The following ATF3 variants were observed in gnomAD, a reference collection of about 807,000 sequenced individuals.
ATF3 encodes cyclic AMP-dependent transcription factor ATF-3.
In ATF3, 10 loss-of-function variants were observed where a neutral mutation model predicts 18.4. The ratio of observed to expected loss-of-function variants is 0.54; its 90% CI spans 0.34 to 0.92. ATF3 has a LOEUF of 0.92. Among genes scored for constraint, ATF3 ranks in the 40% least tolerant of loss-of-function variants. ATF3 has a pLI of 0.02. For synonymous variants in ATF3, 78 were observed against 87.9 expected, an observed-to-expected ratio of 0.89 and a Z score of 0.63; for missense variants, 183 against 222.3, an observed-to-expected ratio of 0.82 and a Z score of 1.12.
At chr1:212,590,655 T>C (rs991146918) in intron 1 of ATF3, among the ~76,000 whole-genome samples, 5 of 152,204 alleles carry the variant, frequency 3.3e-5, no homozygotes, top group Non-Finnish European at 7.3e-5. Context: ...AAAAATTGAA[T>C]TCAGTGTGAA....
chr1:212,615,220 G>C lies in ATF3; in HGVS notation c.199G>C (p.Val67Leu). 1 of 1,614,198 alleles carries C rather than the reference G, an allele frequency of 6.2e-7. No homozygotes were observed. The change falls in exon 2 of 4, where the codon GTC (valine) becomes CTC (leucine). Residue 67 changes from valine (V) to leucine (L), a missense_variant. Val to Leu is a conservative substitution (Grantham distance 32). Transcript: ENST00000341491. ...GTCCTCTGCGCTGGAATCAGTCACT[G>C]TCAGCGACAGACCCCTCGGGGTGTC... is the stretch of plus-strand genomic sequence containing the variant. ...RMSSALESVT[V>L]SDRPLGVSIT...
chr1:212,593,327 T>C (rs12092971), intron 1 of ATF3, among the ~76,000 whole-genome samples: 39,454 of 147,780 alleles, frequency 0.27, 5,912 homozygotes, highest in African/African-American at 0.41. Flanking sequence ...CATTAGGAGA[T>C]ATACCTAATG....
chr1:212,602,832 C>T (rs909706465), intron 1 of ATF3, among the ~76,000 whole-genome samples: 9 of 152,160 alleles, frequency 5.9e-5, no homozygotes, highest in East Asian at 5.8e-4. Context: ...TTTTGGCAGC[C>T]GATGCTAGAC....
chr1:212,589,340 G>C (rs1214627340), intron 1 of ATF3, among the ~76,000 whole-genome samples: 1 of 152,180 alleles, frequency 6.6e-6, no homozygotes, highest in Non-Finnish European at 1.5e-5. Context: ...CAGATAATGG[G>C]AGCAAGGGAG....
chr1:212,569,316 A>G (rs1230037334), intron 1 of ATF3, among the ~76,000 whole-genome samples: 1 of 152,244 alleles, frequency 6.6e-6, no homozygotes, highest in East Asian at 1.9e-4. Flanking sequence ...AGGTAGAGAG[A>G]CTTTTCATCA....
At chr1:212,570,173 A>T (rs970477092) in intron 1 of ATF3, among the ~76,000 whole-genome samples, 4 of 152,184 alleles carry the variant, frequency 2.6e-5, no homozygotes, top group Non-Finnish European at 4.4e-5. Flanking sequence ...CTGGCTTGAC[A>T]TTTACATTTG....
chr1:212,589,535 T>A (rs777984250), intron 1 of ATF3, among the ~76,000 whole-genome samples: 3 of 151,894 alleles, frequency 2.0e-5, no homozygotes, highest in Admixed American at 6.6e-5. Context: ...TTCAATTTTA[T>A]AGAGGTGAGT....
chr1:212,583,987 C>T (rs977605837), intron 1 of ATF3, among the ~76,000 whole-genome samples: 5 of 152,254 alleles, frequency 3.3e-5, no homozygotes, highest in African/African-American at 1.2e-4. Flanking sequence ...CGTATCTCTG[C>T]CCTCATGGTA....
At chr1:212,593,139 A>T (rs111932277) in intron 1 of ATF3, among the ~76,000 whole-genome samples, 5,085 of 152,118 alleles carry the variant, frequency 0.033, 320 homozygotes, top group African/African-American at 0.12. Context: ...TGTCCTTTGT[A>T]GGGACATGGA....
upstream of ATF3, among the ~76,000 whole-genome samples, chr1:212,605,520 C>G (rs780033585): frequency 6.6e-6 from 1 of 152,184 alleles, no homozygotes; most frequent in Non-Finnish European, 1.5e-5. Flanking sequence ...ATTCTGGGCA[C>G]GAATACAGTC....
chr1:212,572,791 G>A (rs925312274), intron 1 of ATF3, among the ~76,000 whole-genome samples: 11 of 152,102 alleles, frequency 7.2e-5, no homozygotes, highest in African/African-American at 2.7e-4. Flanking sequence ...TTCCATAGAA[G>A]TTTCCAATGT....
In ATF3 at chr1:212,619,429, G is replaced by A. The variant is rs1655275246; in HGVS notation, c.420G>A (p.Gln140=). Residue 140 remains glutamine, a synonymous_variant, in exon 4 of 4, where the codon CAG becomes CAA. Coordinates refer to ENST00000341491, the MANE Select transcript of ATF3 (RefSeq NM_001674.4). The surrounding 1 kb of genome is among the most constrained non-coding windows in gnomAD (Gnocchi z 4.4). ...TTGAGGAGCTCAAGAACGAGAAGCA[G>A]CATTTGATATACATGCTCAACCTTC... ...AQIEELKNEK[Q]HLIYMLNLHR... is the part of the protein sequence containing the mutation. 4 of 1,614,048 alleles carry A rather than the reference G, an allele frequency of 2.5e-6. No homozygotes were observed. The highest frequency in any genetic ancestry group is 2.5e-6 in the Non-Finnish European group (3 of 1,180,044).
At position 212,619,550 on chromosome 1, in the gene ATF3, A is replaced by G. The variant is rs1445964504; in HGVS notation, c.541A>G (p.Ser181Gly). 1 of 1,614,148 alleles carries G rather than the reference A, an allele frequency of 6.2e-7. No individual in the cohort carries two copies. Among genetic ancestry groups the G allele is most frequent in the Non-Finnish European group, 8.5e-7 (1 of 1,179,992 alleles). ...ACAGATAAAAGAAGGAACATTGCAGAGCTAAGCAGTCGTGGTATGGGGGCG... is the reference window on the plus strand; with the variant it reads ...ACAGATAAAAGAAGGAACATTGCAGGGCTAAGCAGTCGTGGTATGGGGGCG... ...IQQIKEGTLQ[S>G] The change falls in exon 4 of 4, where the codon AGC becomes GGC. Residue 181 changes from serine (S) to glycine (G), a missense_variant. Physicochemically the swap from Ser to Gly is moderately conservative, Grantham distance 56. Coordinates refer to ENST00000341491, the MANE Select transcript of ATF3 (RefSeq NM_001674.4). The surrounding 1 kb of genome is among the most constrained non-coding windows in gnomAD (Gnocchi z 4.4).
At chr1:212,567,005 G>A (rs61830686) in intron 1 of ATF3, among the ~76,000 whole-genome samples, 1 of 152,212 alleles carries the variant, frequency 6.6e-6, no homozygotes, top group East Asian at 1.9e-4. Flanking sequence ...CACATAAACA[G>A]ATTAACCTAG....
upstream of ATF3, chr1:212,608,612 C>T (rs1654723793): frequency 6.6e-6 from 1 of 152,644 alleles, no homozygotes. Context: ...CTTGGCCCCT[C>T]CTCCACCCCC....
intron 1 of ATF3, among the ~76,000 whole-genome samples, chr1:212,571,248 CTTTAT>C (rs1393027819): frequency 2.6e-5 from 4 of 152,080 alleles, no homozygotes; most frequent in South Asian, 2.1e-4. Flanking sequence ...TCCGGTTTTT[CTTTAT>C]TTTATTTTAA....
intron 1 of ATF3, among the ~76,000 whole-genome samples, chr1:212,579,564 A>G (rs1456419314): frequency 2.6e-5 from 4 of 152,152 alleles, no homozygotes; most frequent in Non-Finnish European, 5.9e-5. Context: ...CCTCTGGGGG[A>G]ACGGTCAGCC....
chr1:212,614,516 C>T (rs1024178996), intron 1 of ATF3, among the ~76,000 whole-genome samples: 1 of 148,568 alleles, frequency 6.7e-6, no homozygotes, highest in Non-Finnish European at 1.5e-5. Flanking sequence ...CTGATAGTTT[C>T]AGCTTGACGT....
intron 1 of ATF3, among the ~76,000 whole-genome samples, chr1:212,598,302 T>C (rs1020694196): frequency 4.6e-5 from 7 of 152,214 alleles, no homozygotes; most frequent in Middle Eastern, 3.2e-3. Context: ...TTGATATATA[T>C]CTTACTTTTT....
Sources: allele counts gnomAD v4.1 joint callset (sites outside exome capture counted in the v4.1 genomes callset), GRCh38; gene constraint gnomAD v4.1.1; non-coding constraint Gnocchi (gnomAD v3.1); transcripts MANE v1.5; gene names NCBI Gene and HGNC (gene_info 2026-07-23, HGNC 2026-07-21).